Variants in PALLD observed in about 807,000 individuals in gnomAD.
PALLD encodes the protein palladin, cytoskeletal associated protein.
A neutral mutation model predicts 123.5 loss-of-function variants in PALLD; 61 were observed. The ratio of observed to expected loss-of-function variants is 0.49; its 90% CI spans 0.40 to 0.61. The LOEUF (loss-of-function observed/expected upper bound fraction) is 0.61. PALLD is among the 20% of genes least tolerant of loss of function. The pLI, the probability that PALLD is intolerant of heterozygous loss-of-function variation, is 0.00. For synonymous variants in PALLD, 465 were observed against 496.4 expected, an observed-to-expected ratio of 0.94 and a Z score of 0.84; for missense variants, 1,273 against 1,377.0, an observed-to-expected ratio of 0.92 and a Z score of 1.20.
In PALLD at chr4:168,868,990, C is replaced by T. The variant is rs1750716759; in HGVS notation, c.1965-21932C>T. On this transcript the variant is annotated intron_variant, in intron 10 of 21. Transcript: ENST00000505667. ...AACCAAATCAAATGGAAAATGGGCA[C>T]TGGTACAGGCTGCCACTGCCTGGAA... 6.6e-5 allele frequency among the ~76,000 whole-genome samples: 10 copies of T among 152,270 alleles called. No homozygotes were observed. In the South Asian group the frequency reaches 2.1e-3, roughly 32 times the overall value.
intron 10 of PALLD, chr4:168,832,178 G>T: frequency 3.0e-6 from 3 of 985,522 alleles, no homozygotes; most frequent in Non-Finnish European, 2.4e-6. Flanking sequence ...CGAGGTAGGC[G>T]CGGGGAATCG....
At chr4:168,504,781 G>A (rs1761832880) in intron 1 of PALLD, 1 of 152,196 alleles carries the variant, frequency 6.6e-6, no homozygotes, top group South Asian at 2.1e-4. Flanking sequence ...ATTTAAAGAT[G>A]CCAAAGAATC....
At chr4:168,757,476 G>A (rs879726316) in intron 10 of PALLD, among the ~76,000 whole-genome samples, 1 of 152,308 alleles carries the variant, frequency 6.6e-6, no homozygotes, top group African/African-American at 2.4e-5. Flanking sequence ...CAATGGAAAC[G>A]TTAAGAAATA....
chr4:168,518,501 G>C (rs1763220447), intron 2 of PALLD, among the ~76,000 whole-genome samples: 3 of 152,106 alleles, frequency 2.0e-5, no homozygotes. Flanking sequence ...AGTCACAGTG[G>C]GGTTCTTGGC....
intron 2 of PALLD, among the ~76,000 whole-genome samples, chr4:168,649,240 G>A (rs990551771): frequency 2.6e-5 from 4 of 152,204 alleles, no homozygotes; most frequent in Non-Finnish European, 4.4e-5. Context: ...TCGCTGGCTG[G>A]TGTGAGTTTT....
In PALLD at chr4:168,925,285, T is replaced by C. The variant is rs748296390; in HGVS notation, c.*32+7T>C. The C allele has an allele frequency of 1.3e-5, 21 of 1,596,232 alleles. No homozygotes were observed. Among genetic ancestry groups the C allele is most frequent in the Non-Finnish European group, 1.8e-5 (21 of 1,163,760 alleles). On this transcript the variant is annotated splice_region_variant and intron_variant, in intron 21 of 21. Transcript: ENST00000505667. Reference sequence around the variant, plus strand: ...CAGGAGAACAAATACCCAAGTATCATTCAGGAACTTTGAATTATTAGCAAA... The same window carrying C: ...CAGGAGAACAAATACCCAAGTATCACTCAGGAACTTTGAATTATTAGCAAA...
chr4:168,725,695 T>A (rs936574752), intron 10 of PALLD, among the ~76,000 whole-genome samples: 4 of 151,668 alleles, frequency 2.6e-5, no homozygotes, highest in African/African-American at 9.7e-5. Context: ...CCCGGCTAAT[T>A]TTTTGTATTT....
intron 9 of PALLD, among the ~76,000 whole-genome samples, chr4:168,710,875 A>G (rs1191593845): frequency 1.3e-5 from 2 of 152,210 alleles, no homozygotes; most frequent in Non-Finnish European, 2.9e-5. Context: ...TAAATCTGCT[A>G]TAGGTCAAAC....
intron 2 of PALLD, among the ~76,000 whole-genome samples, chr4:168,562,626 G>A (rs1389434588): frequency 1.3e-5 from 2 of 152,188 alleles, no homozygotes; most frequent in East Asian, 3.8e-4. Context: ...TAGTTCAGCT[G>A]AGAGGAAAGT....
intron 2 of PALLD, among the ~76,000 whole-genome samples, chr4:168,581,995 C>T (rs568629491): frequency 3.4e-4 from 51 of 152,048 alleles, no homozygotes; most frequent in Non-Finnish European, 6.5e-4. Context: ...TTTTCTAGTG[C>T]CATTTATTGA....
chr4:168,890,664 T>G (rs1013125728), intron 10 of PALLD, among the ~76,000 whole-genome samples: 1 of 152,132 alleles, frequency 6.6e-6, no homozygotes, highest in African/African-American at 2.4e-5. Flanking sequence ...AATGTAGGCC[T>G]TCCCCATCCT....
rs139058162 is a variant in PALLD, at chr4:168,644,008, T to A, written c.909-24182T>A. On this transcript the variant is annotated intron_variant, in intron 2 of 21. Transcript: ENST00000505667. ...GATTCCATTCTTCTTTCAAAACCGCTTGGTGCCTCCAAAGAGAAAAATGGT... is the reference window on the plus strand; with the variant it reads ...GATTCCATTCTTCTTTCAAAACCGCATGGTGCCTCCAAAGAGAAAAATGGT... Among the ~76,000 whole-genome samples the A allele has an allele frequency of 1.3e-4, 20 of 152,144 alleles. No homozygotes were observed. The East Asian group carries it at 3.7e-3, about 28-fold the overall frequency.
In PALLD at chr4:168,878,393, G is replaced by T; in HGVS notation, c.1965-12529G>T. On this transcript the variant is annotated intron_variant, in intron 10 of 21. Coordinates refer to ENST00000505667, the MANE Select transcript of PALLD (RefSeq NM_001166108.2). ...GGGGCTGCCCAAGGGTGTCACCCCC[G>T]CGTGAGTAACCGCCGCGGTCCTCCA... The T allele has an allele frequency of 1.3e-6, 2 of 1,487,728 alleles. No individual in the cohort carries two copies. The highest frequency in any genetic ancestry group is 2.6e-5 in the East Asian group (1 of 38,308). The allele number at this position is 1,487,728 out of a possible 1,614,324, so 92.2% of individuals were successfully genotyped here. A position where few individuals can be genotyped will look rare whatever the true frequency, so the allele number is the denominator to read the frequency against.
intron 2 of PALLD, among the ~76,000 whole-genome samples, chr4:168,540,916 C>A (rs1410609599): frequency 6.6e-6 from 1 of 152,096 alleles, no homozygotes; most frequent in Admixed American, 6.5e-5. Context: ...TTCCTTCTCA[C>A]CTCACCCCAG....
intron 10 of PALLD, among the ~76,000 whole-genome samples, chr4:168,825,633 G>GTA (rs1233876245): frequency 2.0e-5 from 3 of 152,184 alleles, no homozygotes; most frequent in Non-Finnish European, 4.4e-5. Context: ...AGTCCCCTAT[G>GTA]TATAGCCTGT....
At chr4:168,849,071 A>G (rs1747342829) in intron 10 of PALLD, among the ~76,000 whole-genome samples, 1 of 152,238 alleles carries the variant, frequency 6.6e-6, no homozygotes, top group Non-Finnish European at 1.5e-5. Context: ...CCTTACCATG[A>G]GAGCCACTCC....
intron 2 of PALLD, among the ~76,000 whole-genome samples, chr4:168,634,431 A>C (rs2149839321): frequency 6.6e-6 from 1 of 152,350 alleles, no homozygotes; most frequent in Admixed American, 6.5e-5. Flanking sequence ...TGTTTTCGTA[A>C]GAAAAGCTGT....
intron 10 of PALLD, among the ~76,000 whole-genome samples, chr4:168,827,934 G>A (rs888612424): frequency 6.6e-6 from 1 of 152,080 alleles, no homozygotes; most frequent in South Asian, 2.1e-4. Context: ...CCAGGTACTC[G>A]GGAGGCTGAG....
intron 2 of PALLD, among the ~76,000 whole-genome samples, chr4:168,601,457 G>A (rs1301474010): frequency 6.6e-6 from 1 of 151,898 alleles, no homozygotes; most frequent in Non-Finnish European, 1.5e-5. Context: ...CACTACCACC[G>A]TCACCACCAG....
Sources: gnomAD v4.1 joint callset for allele counts (sites outside exome capture counted in the v4.1 genomes callset) on GRCh38, gnomAD v4.1.1 for gene constraint, MANE v1.5 for transcripts, NCBI Gene and HGNC (gene_info 2026-07-23, HGNC 2026-07-21) for gene names.